Variants in PLPP5 observed in about 807,000 individuals in gnomAD.
PLPP5 encodes the protein phospholipid phosphatase 5, also known as diacylglycerol pyrophosphate like 1.
Under a neutral mutation model 23.6 loss-of-function variants are expected in PLPP5, and 29 were observed. That is an observed-to-expected ratio of 1.23 (90% CI 0.92 to 1.68). The LOEUF (loss-of-function observed/expected upper bound fraction) is 1.68. Ranked by LOEUF, PLPP5 falls within the 40% of genes most tolerant of loss-of-function variation. PLPP5 has a pLI of 0.00. For missense variants in PLPP5, 315 were observed against 332.1 expected, an observed-to-expected ratio of 0.95 and a Z score of 0.40; for synonymous variants, 143 against 131.3, an observed-to-expected ratio of 1.09 and a Z score of -0.61.
At chr8:38,268,791 C>T in intron 2 of PLPP5, 91 bp downstream of exon 2, 1 of 1,446,080 alleles carries the variant, frequency 6.9e-7, no homozygotes, top group Non-Finnish European at 9.1e-7. Flanking sequence ...CAGTGGGTCC[C>T]TACAAAGGCC....
At chr8:38,267,445 T>G (rs1807819425) in intron 4 of PLPP5, 54 bp from the exon 5 acceptor site, 4 of 1,596,558 alleles carry the variant, frequency 2.5e-6, no homozygotes, top group Non-Finnish European at 3.4e-6. Flanking sequence ...GAAATTATTT[T>G]TCAGTTGTAG....
chr8:38,267,151 G>T, intron 5 of PLPP5, 116 bp downstream of exon 5: 1 of 1,581,272 alleles, frequency 6.3e-7, no homozygotes. Flanking sequence ...AAGAAGGGGG[G>T]ATTTTCCAAA....
Position 38,269,174 on chromosome 8 carries a change from G to A in PLPP5, c.26C>T (p.Ala9Val). The A allele has an allele frequency of 6.6e-7, 1 of 1,505,756 alleles. No individual in the cohort carries two copies. Among genetic ancestry groups the A allele is most frequent in the Admixed American group, 2.1e-5 (1 of 47,952 alleles). 93.3% of individuals were successfully genotyped at this position (1,505,756 alleles called of 1,614,324 possible). Residue 9 changes from alanine (A) to valine (V), a missense_variant, in exon 1 of 7, where the codon GCC becomes GTC. Coordinates refer to ENST00000424479, the MANE Select transcript of PLPP5 (RefSeq NM_001102559.2). MGKAAAAVAFGAEVGVRLA... is the reference protein window; with the variant it reads MGKAAAAVVFGAEVGVRLA... ...CCGCACGCCCACTTCGGCCCCAAAG[G>A]CCACCGCCGCCGCCGCCTTCCCCAT...
chr8:38,264,814 CCAAAT>C, intron 6 of PLPP5: 2 of 1,550,648 alleles, frequency 1.3e-6, no homozygotes, highest in Non-Finnish European at 1.7e-6. Flanking sequence ...TTTCTGAACA[CCAAAT>C]CAAAACACAT....
Position 38,263,562 on chromosome 8 carries a change from A to C in PLPP5, c.*882T>G, listed in dbSNP as rs930914185. 5 of 985,404 alleles carry C rather than the reference A, an allele frequency of 5.1e-6. No homozygotes were observed. Among genetic ancestry groups the C allele is most frequent in the Non-Finnish European group, 6.0e-6 (5 of 829,900 alleles). The allele number at this position is 985,404 out of a possible 1,614,324, so 61.0% of individuals were successfully genotyped here. ...GTAATTCAACAAATTGTTTATGCCC[A>C]CGGTGTTCAAAATGCACAGCAGTAC... On this transcript the variant is annotated 3_prime_UTR_variant, in exon 7 of 7. Coordinates refer to ENST00000424479, the MANE Select transcript of PLPP5 (RefSeq NM_001102559.2).
Position 38,268,852 on chromosome 8 carries a change from A to G in PLPP5, c.183+30T>C, listed in dbSNP as rs771852603. On this transcript the variant is annotated intron_variant, in intron 2 of 6. Transcript: ENST00000424479. The stretch of plus-strand genomic sequence containing the variant: ...GCCCGCGGGAAGCCGGGTCATGGGG[A>G]GGGAGGAAAGACGATCTTTCTCCAC... 6 of 1,525,036 alleles carry G rather than the reference A, an allele frequency of 3.9e-6. No individual in the cohort carries two copies. The Admixed American group carries it at 6.9e-5, about 18-fold the overall frequency. 94.5% of individuals were successfully genotyped at this position (1,525,036 alleles called of 1,614,324 possible). A position where few individuals can be genotyped will look rare whatever the true frequency, so the allele number is the denominator to read the frequency against.
At position 38,263,989 on chromosome 8, in the gene PLPP5, G is replaced by T. The variant is rs1294720197; in HGVS notation, c.*455C>A. The stretch of plus-strand genomic sequence containing the variant: ...AAAAGAACCGTAACTCCTCAAGATA[G>T]ATGAGCAGGGGCAAAAGTGTGTAAT... On this transcript the variant is annotated 3_prime_UTR_variant, in exon 7 of 7. Transcript: ENST00000424479. The T allele has an allele frequency of 2.0e-6, 2 of 985,884 alleles. No homozygotes were observed. Among genetic ancestry groups the T allele is most frequent in the Non-Finnish European group, 2.4e-6 (2 of 830,374 alleles). 61.1% of individuals were successfully genotyped at this position (985,884 alleles called of 1,614,324 possible). A position where few individuals can be genotyped will look rare whatever the true frequency, so the allele number is the denominator to read the frequency against.
chr8:38,267,507 T>G, intron 4 of PLPP5, 116 bp from the exon 5 acceptor site: 1 of 1,251,062 alleles, frequency 8.0e-7, no homozygotes, highest in Admixed American at 2.5e-5. Flanking sequence ...CCAGGCAAAA[T>G]AAGGTAACTG....
In PLPP5 at chr8:38,263,668, G is replaced by A. The variant is rs1301744203; in HGVS notation, c.*776C>T. The A allele has an allele frequency of 1.0e-6, 1 of 985,240 alleles. No individual in the cohort carries two copies. Among genetic ancestry groups the A allele is most frequent in the Non-Finnish European group, 1.2e-6 (1 of 829,904 alleles). 61.0% of individuals were successfully genotyped at this position (985,240 alleles called of 1,614,324 possible). On this transcript the variant is annotated 3_prime_UTR_variant, in exon 7 of 7. Transcript: ENST00000424479. ...GACATTTTCCTATTTAAGGCTTGAT[G>A]GAATTGTCATCAGAGAAGGTAAACA...
At chr8:38,268,111 T>C in intron 3 of PLPP5, 151 bp from the exon 4 acceptor site, 1 of 1,461,000 alleles carries the variant, frequency 6.8e-7, no homozygotes, top group East Asian at 2.5e-5. Flanking sequence ...GTGATCACTC[T>C]TTTGTAGCCG....
At chr8:38,266,965 C>A (rs2130929762) in intron 5 of PLPP5, 1 of 1,081,026 alleles carries the variant, frequency 9.3e-7, no homozygotes, top group African/African-American at 1.6e-5. Context: ...TTCAAAGTAC[C>A]TGACACATAG....
In PLPP5 at chr8:38,268,341, A is replaced by G. The variant is rs767863749; in HGVS notation, c.274+30T>C. On this transcript the variant is annotated intron_variant, in intron 3 of 6. Coordinates refer to ENST00000424479, the MANE Select transcript of PLPP5 (RefSeq NM_001102559.2). ...ACGACCTCCTAGGTTCCCAGCACGA[A>G]GAAACCGGCCCGAAAGGGCTAGCGC... 2.2e-5 allele frequency: 34 copies of G among 1,543,860 alleles called. 2 individuals carry two copies. The South Asian group carries it at 2.3e-4, about 10-fold the overall frequency.
In PLPP5 at chr8:38,263,448, T is replaced by TA; in HGVS notation, c.*995dup. On this transcript the variant is annotated 3_prime_UTR_variant, in exon 7 of 7. Transcript: ENST00000424479. ...AAGGAAAGAAGCTCACAAGTACAGT[T>TA]ATGGTCAAATGAGGTAGAAACAGTC... The TA allele has an allele frequency of 1.0e-6, 1 of 985,424 alleles. No homozygotes were observed. The highest frequency in any genetic ancestry group is 1.2e-6 in the Non-Finnish European group (1 of 829,888). 61.0% of individuals were successfully genotyped at this position (985,424 alleles called of 1,614,324 possible).
At chr8:38,268,511 C>T in intron 2 of PLPP5, 50 bp from the exon 3 acceptor site, 1 of 1,544,210 alleles carries the variant, frequency 6.5e-7, no homozygotes, top group Non-Finnish European at 8.7e-7. Flanking sequence ...AAGCCACACT[C>T]GTGCTCCTAC....
rs923216548 is a variant in PLPP5, at chr8:38,269,115, A to ATCTT, written c.74+7_74+10dup. 108 of 1,525,076 alleles carry ATCTT rather than the reference A, an allele frequency of 7.1e-5. No individual in the cohort carries two copies. The highest frequency in any genetic ancestry group is 8.5e-5 in the African/African-American group (6 of 70,700). 94.5% of individuals were successfully genotyped at this position (1,525,076 alleles called of 1,614,324 possible). On this transcript the variant is annotated intron_variant, in intron 1 of 6. Coordinates refer to ENST00000424479, the MANE Select transcript of PLPP5 (RefSeq NM_001102559.2). ...CGGGGCCGCCCGGGCCCGGCCGTGG[A>ATCTT]TCTTTCTTACAGGAAGGCCGCGAAC...
At chr8:38,266,072 T>G in intron 6 of PLPP5, 69 bp downstream of exon 6, 1 of 1,449,460 alleles carries the variant, frequency 6.9e-7, no homozygotes. Context: ...AAGCATCTCC[T>G]CTGTGCTAGG....
At chr8:38,267,065 A>C in intron 5 of PLPP5, 1 of 1,428,302 alleles carries the variant, frequency 7.0e-7, no homozygotes, top group Non-Finnish European at 9.2e-7. Context: ...AATCTCATGA[A>C]GGTAAACTAC....
intron 6 of PLPP5, among the ~76,000 whole-genome samples, chr8:38,265,264 C>CAAAA (rs1228103198): frequency 1.4e-5 from 1 of 71,002 alleles, no homozygotes; most frequent in Non-Finnish European, 2.7e-5. Context: ...GACTCTGTCT[C>CAAAA]AAAAAAAAAA....
chr8:38,267,191 C>T lies in PLPP5; in HGVS notation c.463+76G>A, dbSNP rs781763288. 3.7e-6 allele frequency: 6 copies of T among 1,611,354 alleles called. No homozygotes were observed. In the African/African-American group the frequency reaches 8.0e-5, roughly 22 times the overall value. On this transcript the variant is annotated intron_variant, in intron 5 of 6. Coordinates refer to ENST00000424479, the MANE Select transcript of PLPP5 (RefSeq NM_001102559.2). ...AGAAACAAGAGTAGTCAGATTTTCCCATCCCTACTAGCTTTCTAGGTTAAA... is the reference window on the plus strand; with the variant it reads ...AGAAACAAGAGTAGTCAGATTTTCCTATCCCTACTAGCTTTCTAGGTTAAA...
Sources: allele counts gnomAD v4.1 joint callset (sites outside exome capture counted in the v4.1 genomes callset), GRCh38; gene constraint gnomAD v4.1.1; transcripts MANE v1.5; gene names NCBI Gene and HGNC (gene_info 2026-07-23, HGNC 2026-07-21).